Variants in GPR137C observed in about 807,000 individuals in gnomAD.
GPR137C encodes the protein integral membrane protein GPR137C.
A neutral mutation model predicts 43.4 loss-of-function variants in GPR137C; 27 were observed. That is an observed-to-expected ratio of 0.62 (90% CI 0.46 to 0.86). The LOEUF is 0.86. Among genes scored for constraint, GPR137C ranks in the 40% least tolerant of loss-of-function variants. The probability of loss-of-function intolerance (pLI) is 0.00; values close to 1 mark genes in which losing one functional copy is unlikely to be tolerated. For synonymous variants in GPR137C, 285 were observed against 226.9 expected (o/e 1.26, Z -2.30); for missense variants, 522 against 534.6 (o/e 0.98, Z 0.23).
rs1485224799 is a variant in GPR137C at position 52,553,145 on chromosome 14, C to T, written c.-3C>T. 4 of 1,169,358 alleles carry T rather than the reference C, an allele frequency of 3.4e-6. No individual in the cohort carries two copies. Among genetic ancestry groups the T allele is most frequent in the African/African-American group, 1.6e-5 (1 of 61,704 alleles). 72.4% of individuals were successfully genotyped at this position (1,169,358 alleles called of 1,614,324 possible). A position where few individuals can be genotyped will look rare whatever the true frequency, so the allele number is the denominator to read the frequency against. On this transcript the variant is annotated 5_prime_UTR_variant, in exon 1 of 7. Transcript: ENST00000321662. The stretch of plus-strand genomic sequence containing the variant: ...GCTCGCTCGCCCGGCCCCCAGCCCC[C>T]TCATGAGGGTGTCCGTGCCGGGTCC...
intron 1 of GPR137C, among the ~76,000 whole-genome samples, chr14:52,570,480 A>G (rs1246374665): frequency 1.3e-5 from 2 of 152,236 alleles, no homozygotes; most frequent in African/African-American, 4.8e-5. Flanking sequence ...TGACAGGATC[A>G]CATTCACACA....
At chr14:52,589,225 G>T (rs894019129) in intron 1 of GPR137C, among the ~76,000 whole-genome samples, 1 of 152,176 alleles carries the variant, frequency 6.6e-6, no homozygotes, top group South Asian at 2.1e-4. Flanking sequence ...GAGCCTGGAG[G>T]AGGAGGGAAT....
intron 1 of GPR137C, among the ~76,000 whole-genome samples, chr14:52,567,662 G>GTTTT (rs397853244): frequency 1.5e-5 from 2 of 134,126 alleles, no homozygotes; most frequent in Non-Finnish European, 3.2e-5. Flanking sequence ...TTTTTTTTTG[G>GTTTT]TTTTTTTTTT....
At chr14:52,625,358 T>A (rs2039210325) in intron 3 of GPR137C, among the ~76,000 whole-genome samples, 1 of 150,670 alleles carries the variant, frequency 6.6e-6, no homozygotes, top group Non-Finnish European at 1.5e-5. Flanking sequence ...GGCGCGCACC[T>A]GTACTCGCTT....
At chr14:52,571,754 G>A (rs959573219) in intron 1 of GPR137C, among the ~76,000 whole-genome samples, 1 of 152,056 alleles carries the variant, frequency 6.6e-6, no homozygotes, top group African/African-American at 2.4e-5. Context: ...TAAGATCAGA[G>A]CAGAACTGAA....
intron 1 of GPR137C, among the ~76,000 whole-genome samples, chr14:52,555,374 A>G (rs1404990027): frequency 6.6e-6 from 1 of 152,180 alleles, no homozygotes; most frequent in East Asian, 1.9e-4. Context: ...ATATCTGTAT[A>G]CACCCATGTT....
intron 3 of GPR137C, among the ~76,000 whole-genome samples, chr14:52,620,278 C>T (rs1320882955): frequency 6.6e-6 from 1 of 151,954 alleles, no homozygotes; most frequent in African/African-American, 2.4e-5. Context: ...AAGACCCATA[C>T]TCTTATTATA....
At position 52,582,676 on chromosome 14, in the gene GPR137C, C is replaced by T. The variant is rs2038663245; in HGVS notation, c.445-15596C>T. ...GGGTGTGTTGGTGTGCACCTGTCAT[C>T]CCAGCTACTTGGGAGGCTGAGGCAG... is the stretch of plus-strand genomic sequence containing the variant. On this transcript the variant is annotated intron_variant, in intron 1 of 6. Transcript: ENST00000321662. Among the ~76,000 whole-genome samples the T allele has an allele frequency of 2.0e-5, 3 of 152,134 alleles. No individual in the cohort carries two copies. The South Asian group carries it at 6.2e-4, about 32-fold the overall frequency.
At chr14:52,611,264 A>G (rs2039035682) in intron 3 of GPR137C, among the ~76,000 whole-genome samples, 2 of 151,960 alleles carry the variant, frequency 1.3e-5, no homozygotes, top group African/African-American at 4.8e-5. Flanking sequence ...TGATTTGTAG[A>G]GTGGAATCTG....
chr14:52,601,683 G>A (rs575465683), intron 3 of GPR137C, among the ~76,000 whole-genome samples: 143 of 152,086 alleles, frequency 9.4e-4, no homozygotes, highest in African/African-American at 2.7e-3. Context: ...CACTGTTACA[G>A]TCCATAATCT....
intron 1 of GPR137C, among the ~76,000 whole-genome samples, chr14:52,564,732 G>C (rs1261659444): frequency 6.6e-6 from 1 of 152,140 alleles, no homozygotes; most frequent in African/African-American, 2.4e-5. Flanking sequence ...TAAGGACCAA[G>C]TCTGTTCTTG....
chr14:52,580,526 T>C (rs898246821), intron 1 of GPR137C, among the ~76,000 whole-genome samples: 1 of 151,936 alleles, frequency 6.6e-6, no homozygotes, highest in Non-Finnish European at 1.5e-5. Flanking sequence ...CACACCCAGT[T>C]AATTTTTTTG....
chr14:52,627,934 T>G (rs2039248301), intron 3 of GPR137C, among the ~76,000 whole-genome samples: 2 of 152,230 alleles, frequency 1.3e-5, no homozygotes, highest in South Asian at 4.1e-4. Context: ...GCTGTACCAT[T>G]CAGTATGATA....
intron 3 of GPR137C, among the ~76,000 whole-genome samples, chr14:52,603,747 C>G (rs138624814): frequency 1.3e-5 from 2 of 151,998 alleles, no homozygotes; most frequent in Non-Finnish European, 2.9e-5. Context: ...CCATGTTGGC[C>G]GGGCTGGTCT....
At chr14:52,553,635 G>T in intron 1 of GPR137C, 44 bp downstream of exon 1, 1 of 1,444,040 alleles carries the variant, frequency 6.9e-7, no homozygotes, top group African/African-American at 1.4e-5. Context: ...CGGGTGCGCG[G>T]GGCCGCCGGG....
At chr14:52,560,264 A>G (rs1360371313) in intron 1 of GPR137C, among the ~76,000 whole-genome samples, 1 of 152,198 alleles carries the variant, frequency 6.6e-6, no homozygotes, top group African/African-American at 2.4e-5. Flanking sequence ...TTATTGAGAG[A>G]AATTAAAGAG....
intron 1 of GPR137C, among the ~76,000 whole-genome samples, chr14:52,571,236 A>G (rs1443868611): frequency 6.6e-6 from 1 of 152,242 alleles, no homozygotes; most frequent in African/African-American, 2.4e-5. Context: ...CTGAATGACA[A>G]CTGGGTAAAT....
At chr14:52,555,014 C>A (rs563556660) in intron 1 of GPR137C, among the ~76,000 whole-genome samples, 124 of 152,026 alleles carry the variant, frequency 8.2e-4, no homozygotes, top group African/African-American at 3.0e-3. Flanking sequence ...TGAGGGTGTT[C>A]TAATCTAGTT....
intron 1 of GPR137C, among the ~76,000 whole-genome samples, chr14:52,559,685 G>C (rs980877270): frequency 2.6e-5 from 4 of 152,118 alleles, no homozygotes; most frequent in African/African-American, 9.7e-5. Context: ...ATTGCAATAG[G>C]CAAGGGAAAG....
Sources: allele counts gnomAD v4.1 joint callset (sites outside exome capture counted in the v4.1 genomes callset), GRCh38; gene constraint gnomAD v4.1.1; transcripts MANE v1.5; gene names NCBI Gene and HGNC (gene_info 2026-07-23, HGNC 2026-07-21).